Variants in BEND3 observed in about 807,000 individuals in gnomAD.
The protein encoded by BEND3 is BEN domain-containing protein 3.
Under a neutral mutation model 60.1 loss-of-function variants are expected in BEND3, and 13 were observed. The ratio of observed to expected loss-of-function variants is 0.22; its 90% CI spans 0.14 to 0.34. The LOEUF (loss-of-function observed/expected upper bound fraction) is 0.34. Among genes scored for constraint, BEND3 ranks in the 10% least tolerant of loss-of-function variants. The pLI is 1.00. For missense variants in BEND3, 896 were observed against 1,138.1 expected, an observed-to-expected ratio of 0.79 and a Z score of 3.06; for synonymous variants, 497 against 491.5, an observed-to-expected ratio of 1.01 and a Z score of -0.15.
In BEND3 at chr6:107,069,746, C is replaced by T; in HGVS notation, c.1445G>A (p.Gly482Asp). Reference protein sequence around the residue: ...CAQRINDELEGLGLDAGSEGD... With the variant: ...CAQRINDELEDLGLDAGSEGD... ...TTCACTGCCCGCGTCCAGCCCCAGG[C>T]CCTCGAGCTCGTCGTTGATGCGCTG... is the stretch of plus-strand genomic sequence containing the variant. The change falls in exon 4 of 4, where the codon GGC becomes GAC. Residue 482 changes from glycine (G) to aspartate (D), a missense_variant. Around this residue, in one of 4 missense-constraint regions of BEND3, gnomAD observed 846 missense variants for 1,036.7 expected, o/e 0.82. Coordinates refer to ENST00000369042, the MANE Select transcript of BEND3 (RefSeq NM_001367314.1). 2 of 1,612,246 alleles carry T rather than the reference C, an allele frequency of 1.2e-6. No homozygotes were observed. Among genetic ancestry groups the T allele is most frequent in the Non-Finnish European group, 1.7e-6 (2 of 1,180,016 alleles).
intron 1 of BEND3, among the ~76,000 whole-genome samples, chr6:107,111,336 C>A (rs1333346826): frequency 2.0e-5 from 3 of 152,078 alleles, no homozygotes; most frequent in Admixed American, 2.0e-4. Context: ...CATGGTGAAA[C>A]CCCGTCTCTA....
intron 3 of BEND3, among the ~76,000 whole-genome samples, chr6:107,096,035 G>A (rs2115024119): frequency 6.6e-6 from 1 of 152,226 alleles, no homozygotes; most frequent in Admixed American, 6.5e-5. Flanking sequence ...TACTGACTTT[G>A]GGCAATAATG....
rs371479716 is a variant in BEND3, at chr6:107,070,562, A to G, written c.629T>C (p.Met210Thr). The G allele has an allele frequency of 3.7e-6, 6 of 1,612,518 alleles. No homozygotes were observed. The highest frequency in any genetic ancestry group is 3.4e-6 in the Non-Finnish European group (4 of 1,179,486). Residue 210 changes from methionine (M) to threonine (T), a missense_variant, in exon 4 of 4, where the codon ATG becomes ACG. Around this residue, in one of 4 missense-constraint regions of BEND3, gnomAD observed 846 missense variants for 1,036.7 expected, o/e 0.82. Coordinates refer to ENST00000369042, the MANE Select transcript of BEND3 (RefSeq NM_001367314.1). This position sits in a 1 kb window ranked among gnomAD's most constrained non-coding sequence, Gnocchi z 6.9. Reference sequence around the variant, plus strand: ...GTCCACCTTGCTGTGCAGCTGGGACATGTTGGACGTGAGGGTGTTCAGCAT... The same window carrying G: ...GTCCACCTTGCTGTGCAGCTGGGACGTGTTGGACGTGAGGGTGTTCAGCAT... ...FYMLNTLTSNMSQLHSKVDLL... is the reference protein window; with the variant it reads ...FYMLNTLTSNTSQLHSKVDLL...
chr6:107,087,333 A>G (rs557936608), intron 3 of BEND3, among the ~76,000 whole-genome samples: 3 of 152,128 alleles, frequency 2.0e-5, no homozygotes, highest in Non-Finnish European at 4.4e-5. Flanking sequence ...AAGAAAAGAA[A>G]AGAAAAAACG....
intron 3 of BEND3, among the ~76,000 whole-genome samples, chr6:107,074,103 G>A (rs1228883229): frequency 1.4e-4 from 22 of 152,126 alleles, no homozygotes; most frequent in South Asian, 4.1e-4. Flanking sequence ...GAGTCTATCT[G>A]AATCACACTA....
chr6:107,076,131 A>C (rs1215243186), intron 3 of BEND3, among the ~76,000 whole-genome samples: 3 of 152,188 alleles, frequency 2.0e-5, no homozygotes, highest in Non-Finnish European at 2.9e-5. Context: ...ATACTCCCAC[A>C]CTGGTGTCCT....
chr6:107,074,467 T>C (rs1775058214), intron 3 of BEND3, among the ~76,000 whole-genome samples: 1 of 152,148 alleles, frequency 6.6e-6, no homozygotes, highest in Admixed American at 6.6e-5. Flanking sequence ...TATTACGTAA[T>C]GCTATTCCCA....
intron 3 of BEND3, among the ~76,000 whole-genome samples, chr6:107,090,672 A>G (rs1775457235): frequency 6.6e-6 from 1 of 152,222 alleles, no homozygotes; most frequent in Admixed American, 6.5e-5. Context: ...TTTTGTTATT[A>G]TAAGGTACTC....
chr6:107,068,978 T>C lies in BEND3; in HGVS notation c.2213A>G (p.Asn738Ser). ...EIVQQSLSVGNFAARLLVRLF... is the reference protein window; with the variant it reads ...EIVQQSLSVGSFAARLLVRLF... ...GCGGACGAGGAGCCGGGCGGCAAAG[T>C]TGCCCACGGAGAGGCTCTGCTGCAC... The change falls in exon 4 of 4, where the codon AAC (asparagine) becomes AGC (serine). Residue 738 changes from asparagine to serine, a missense_variant. Physicochemically the swap from Asn to Ser is conservative, Grantham distance 46. Around this residue, in one of 4 missense-constraint regions of BEND3, gnomAD observed 846 missense variants for 1,036.7 expected, o/e 0.82. Transcript: ENST00000369042. This position sits in a 1 kb window ranked among gnomAD's most constrained non-coding sequence, Gnocchi z 5.8. 2 of 1,613,758 alleles carry C rather than the reference T, an allele frequency of 1.2e-6. No individual in the cohort carries two copies. The highest frequency in any genetic ancestry group is 1.7e-6 in the Non-Finnish European group (2 of 1,180,000).
chr6:107,084,129 A>G lies in BEND3; in HGVS notation c.241-13179T>C, dbSNP rs1775291134. On this transcript the variant is annotated intron_variant, in intron 3 of 3. Coordinates refer to ENST00000369042, the MANE Select transcript of BEND3 (RefSeq NM_001367314.1). ...TCACAGGGCAAACCACTGCCCCCAG[A>G]CTTGGCGAAACAGACGGGTGAGTAC... is the stretch of plus-strand genomic sequence containing the variant. Among the ~76,000 whole-genome samples the G allele has an allele frequency of 2.6e-5, 4 of 152,234 alleles. No individual in the cohort carries two copies. The South Asian group carries it at 8.3e-4, about 32-fold the overall frequency.
chr6:107,083,206 C>A (rs1186050011), intron 3 of BEND3, among the ~76,000 whole-genome samples: 1 of 152,182 alleles, frequency 6.6e-6, no homozygotes, highest in African/African-American at 2.4e-5. Flanking sequence ...CTAGTTATTA[C>A]TCACTGCACT....
At position 107,114,900 on chromosome 6, in the gene BEND3, G is replaced by A. The variant is rs1351281832; in HGVS notation, c.-12+190C>T. Reference sequence around the variant, plus strand: ...CCCGTGGGCGCCCGGCGCCCGCTCCGGTCGCTCGGCCCGCGCGGGGGTGGG... The same window carrying A: ...CCCGTGGGCGCCCGGCGCCCGCTCCAGTCGCTCGGCCCGCGCGGGGGTGGG... On this transcript the variant is annotated intron_variant, in intron 1 of 3. Transcript: ENST00000369042. Among the ~76,000 whole-genome samples, 3 of 149,346 alleles carry A rather than the reference G, an allele frequency of 2.0e-5. No individual in the cohort carries two copies. In the South Asian group the frequency reaches 6.3e-4, roughly 31 times the overall value.
At chr6:107,111,853 G>A (rs540323635) in intron 1 of BEND3, among the ~76,000 whole-genome samples, 8 of 151,382 alleles carry the variant, frequency 5.3e-5, no homozygotes, top group Admixed American at 3.9e-4. Context: ...GTGGTGCCAC[G>A]CACCTGTAAT....
intron 2 of BEND3, 53 bp downstream of exon 2, chr6:107,099,196 G>T: frequency 1.4e-6 from 2 of 1,424,188 alleles, no homozygotes; most frequent in South Asian, 2.3e-5. Context: ...TGTATGACCT[G>T]ATCAAAAGTA....
chr6:107,108,124 T>C (rs1487542836), intron 1 of BEND3, among the ~76,000 whole-genome samples: 1 of 152,214 alleles, frequency 6.6e-6, no homozygotes, highest in Non-Finnish European at 1.5e-5. Flanking sequence ...CCAGGGCAAT[T>C]TTCCCCAGAG....
In BEND3 at chr6:107,069,542, C is replaced by G; in HGVS notation, c.1649G>C (p.Gly550Ala). 1 of 1,613,194 alleles carries G rather than the reference C, an allele frequency of 6.2e-7. No homozygotes were observed. The highest frequency in any genetic ancestry group is 8.5e-7 in the Non-Finnish European group (1 of 1,180,012). Reference sequence around the variant, plus strand: ...CTCCTTGCTGAGCAGGCAGTCGGCACCGGGCACCTCGAAGTCAGGCTGGGG... The same window carrying G: ...CTCCTTGCTGAGCAGGCAGTCGGCAGCGGGCACCTCGAAGTCAGGCTGGGG... ...EIPQPDFEVPGADCLLSKEQL... is the reference protein window; with the variant it reads ...EIPQPDFEVPAADCLLSKEQL... Residue 550 changes from glycine to alanine, a missense_variant, in exon 4 of 4, where the codon GGT becomes GCT. Physicochemically the swap from Gly to Ala is moderately conservative, Grantham distance 60. Coordinates refer to ENST00000369042, the MANE Select transcript of BEND3 (RefSeq NM_001367314.1).
At chr6:107,101,233 A>G (rs1288853552) in intron 1 of BEND3, among the ~76,000 whole-genome samples, 3 of 152,126 alleles carry the variant, frequency 2.0e-5, no homozygotes, top group Admixed American at 1.3e-4. Flanking sequence ...GTAAGCATGA[A>G]GCCATCTAAA....
chr6:107,103,958 AAAAAG>A (rs200118227), intron 1 of BEND3, among the ~76,000 whole-genome samples: 26,874 of 124,510 alleles, frequency 0.22, 3,094 homozygotes, highest in East Asian at 0.4. Flanking sequence ...CAAAAAAAAA[AAAAAG>A]AAAGAAAGAA....
intron 1 of BEND3, among the ~76,000 whole-genome samples, chr6:107,100,938 G>C (rs563672847): frequency 8.5e-5 from 13 of 152,058 alleles, no homozygotes; most frequent in Non-Finnish European, 1.6e-4. Context: ...ATGGTGGCTC[G>C]TGCCTGTAAT....
Sources: gnomAD v4.1 joint callset for allele counts (sites outside exome capture counted in the v4.1 genomes callset) on GRCh38, gnomAD v4.1.1 for gene constraint, gnomAD v4.1.1 regional missense constraint, Gnocchi (gnomAD v3.1) non-coding constraint, MANE v1.5 for transcripts, NCBI Gene and HGNC (gene_info 2026-07-23, HGNC 2026-07-21) for gene names.